The following DNA2 variants were observed in gnomAD, a reference collection of about 807,000 sequenced individuals.
DNA2 encodes the protein DNA replication ATP-dependent helicase/nuclease DNA2.
In DNA2, 101 loss-of-function variants were observed where a neutral mutation model predicts 119.1. That is an observed-to-expected ratio of 0.85 (90% confidence interval 0.72 to 1.00). The LOEUF is 1.00. Ranked by LOEUF, DNA2 falls within the 50% of genes least tolerant of loss-of-function variation. The pLI is 0.00. For missense variants in DNA2, 1,121 were observed against 1,255.5 expected (o/e 0.89, Z 1.62); for synonymous variants, 366 against 424.4 (o/e 0.86, Z 1.69).
chr10:68,432,084 AT>A, intron 12 of DNA2, 113 bp from the exon 13 acceptor site: 2 of 1,123,186 alleles, frequency 1.8e-6, no homozygotes, highest in Non-Finnish European at 2.6e-6. Flanking sequence ...ATACAAAACC[AT>A]TTCCAAAGAG....
intron 2 of DNA2, 27 bp downstream of exon 2, chr10:68,469,954 C>A (rs368924365): frequency 1.0e-5 from 16 of 1,576,812 alleles, no homozygotes; most frequent in Non-Finnish European, 1.3e-5. Flanking sequence ...AGATTCAAAT[C>A]GGTGCTCAAA....
At chr10:68,442,202 G>A (rs538989545) in intron 9 of DNA2, among the ~76,000 whole-genome samples, 2 of 151,102 alleles carry the variant, frequency 1.3e-5, no homozygotes, top group South Asian at 2.1e-4. Flanking sequence ...GGCATGACCC[G>A]ACGCCCTGAC....
chr10:68,432,115 G>T, intron 12 of DNA2, 91 bp downstream of exon 12: 2 of 1,131,546 alleles, frequency 1.8e-6, no homozygotes, highest in Non-Finnish European at 2.6e-6. Context: ...AAACATTGTA[G>T]TTGCAAGTCT....
At chr10:68,421,826 C>G (rs191745430) in intron 17 of DNA2, among the ~76,000 whole-genome samples, 1 of 99,784 alleles carries the variant, frequency 1.0e-5, no homozygotes, top group Non-Finnish European at 2.0e-5. Flanking sequence ...CTTTTTTTTT[C>G]CCCCCAAGAT....
rs1535539 is a variant in DNA2 at position 68,471,944 on chromosome 10, A to G, written c.-80T>C. ...ACACAGAAAGCTTAGAAAAGGGAAA[A>G]AGGCGCGAGCCTGCGCACCTCGCGC... is the stretch of plus-strand genomic sequence containing the variant. On this transcript the variant is annotated 5_prime_UTR_variant, in exon 1 of 21. Coordinates refer to ENST00000358410, the MANE Select transcript of DNA2 (RefSeq NM_001080449.3). 257,326 of 1,612,810 alleles carry G rather than the reference A, an allele frequency of 0.16. 24,064 individuals carry two copies. Among genetic ancestry groups the G allele is most frequent in the African/African-American group, 0.36 (27,360 of 74,980 alleles).
chr10:68,449,561 G>A (rs1590066623), intron 6 of DNA2, among the ~76,000 whole-genome samples: 2 of 152,078 alleles, frequency 1.3e-5, no homozygotes, highest in Middle Eastern at 3.2e-3. Flanking sequence ...AGTATCAGGT[G>A]AGGTCGCGAG....
At chr10:68,429,727 A>AAAG (rs2051793269) in intron 14 of DNA2, among the ~76,000 whole-genome samples, 1 of 147,950 alleles carries the variant, frequency 6.8e-6, no homozygotes, top group African/African-American at 2.5e-5. Flanking sequence ...AAAAAAAAAA[A>AAAG]AAAAGAAAAA....
intron 10 of DNA2, among the ~76,000 whole-genome samples, chr10:68,432,785 C>G (rs1277379534): frequency 6.6e-6 from 1 of 152,156 alleles, no homozygotes; most frequent in African/African-American, 2.4e-5. Context: ...TGCAGTCGAA[C>G]ACGGGTTCAC....
rs559680392 is a variant in DNA2, at chr10:68,420,931, T to TA, written c.2698-1040dup. ...TTTTGCTATGAACCTAAAACTGCTC[T>TA]AAAAAATAAAGCTTTTTTTTTTTTT... is the stretch of plus-strand genomic sequence containing the variant. On this transcript the variant is annotated intron_variant, in intron 17 of 20. Coordinates refer to ENST00000358410, the MANE Select transcript of DNA2 (RefSeq NM_001080449.3). Among the ~76,000 whole-genome samples, 38 of 152,218 alleles carry TA rather than the reference T, an allele frequency of 2.5e-4. 1 individual carries two copies. The South Asian group carries it at 7.7e-3, about 31-fold the overall frequency.
In DNA2 at chr10:68,457,727, G is replaced by A. The variant is rs149399965; in HGVS notation, c.719+1377C>T. 5.6e-3 allele frequency among the ~76,000 whole-genome samples: 799 copies of A among 142,352 alleles called. 11 individuals are homozygous for A. Among genetic ancestry groups the A allele is most frequent in the African/African-American group, 0.019 (747 of 38,932 alleles). 93.4% of individuals were successfully genotyped at this position (142,352 alleles called of 152,430 possible). On this transcript the variant is annotated intron_variant, in intron 5 of 20. Transcript: ENST00000358410. The stretch of plus-strand genomic sequence containing the variant: ...ATTTCCCCTATAAAATTATAACAAT[G>A]CCACTTTGAGAAAAAAAAAAAAAAA...
chr10:68,418,033 G>A (rs796989542), intron 19 of DNA2, among the ~76,000 whole-genome samples: 4 of 152,306 alleles, frequency 2.6e-5, no homozygotes, highest in South Asian at 2.1e-4. Flanking sequence ...TGAATACAGA[G>A]TTTTAGATTT....
chr10:68,432,621 A>G, intron 10 of DNA2, 111 bp from the exon 11 acceptor site: 1 of 698,568 alleles, frequency 1.4e-6, no homozygotes, highest in South Asian at 1.7e-5. Context: ...CTATTAAAAT[A>G]GCTACCAGCC....
rs755073004 is a variant in DNA2, at chr10:68,431,875, G to A, written c.1970C>T (p.Thr657Met). The A allele has an allele frequency of 7.5e-6, 12 of 1,609,342 alleles. No individual in the cohort carries two copies. The highest frequency in any genetic ancestry group is 3.3e-5 in the Admixed American group (2 of 59,770). ...TAATAACCTTACGAGAGTACATATC[G>A]TAGTTGTTTTTCCTGTCCCAGGCAT... Reference protein sequence around the residue: ...VGMPGTGKTTTICTLVRILYA... With the variant: ...VGMPGTGKTTMICTLVRILYA... Residue 657 changes from threonine (T) to methionine (M), a missense_variant, in exon 13 of 21, where the codon ACG becomes ATG. By Grantham distance (81) the Thr-to-Met change is moderately conservative (BLOSUM62 -1). Transcript: ENST00000358410.
Position 68,432,242 on chromosome 10 carries a change from G to C in DNA2, c.1837C>G (p.His613Asp), listed in dbSNP as rs1330421995. Residue 613 changes from histidine to aspartate, a missense_variant, in exon 12 of 21, where the codon CAT becomes GAT. Coordinates refer to ENST00000358410, the MANE Select transcript of DNA2 (RefSeq NM_001080449.3). ...FISYLSSVLP[H>D]DAKDTVACIL... ...CAGGCAACTGTATCCTTTGCATCAT[G>C]TGGAAGAACAGAACTAAGGTAGGAT... 1 of 1,606,768 alleles carries C rather than the reference G, an allele frequency of 6.2e-7. No individual in the cohort carries two copies. The highest frequency in any genetic ancestry group is 1.3e-5 in the African/African-American group (1 of 74,674).
In DNA2 at chr10:68,432,445, A is replaced by G. The variant is rs1221496651; in HGVS notation, c.1712T>C (p.Ile571Thr). The G allele has an allele frequency of 3.1e-6, 5 of 1,596,406 alleles. No homozygotes were observed. In the South Asian group the frequency reaches 4.5e-5, roughly 14 times the overall value. ...RLDQEEKNCD[I>T]DTPLGNLSKL... ...GGAAAGATTTCCTAATGGGGTATCT[A>G]TATCACAATTTTTTTCTTCTTGGTC... Residue 571 changes from isoleucine (I) to threonine (T), a missense_variant, in exon 11 of 21, where the codon ATA becomes ACA. Coordinates refer to ENST00000358410, the MANE Select transcript of DNA2 (RefSeq NM_001080449.3).
intron 7 of DNA2, 38 bp downstream of exon 7, chr10:68,446,258 T>C: frequency 9.2e-7 from 1 of 1,087,020 alleles, no homozygotes; most frequent in African/African-American, 1.7e-5. Context: ...AGTGGGGGGG[T>C]GGGCAAAGAA....
intron 5 of DNA2, among the ~76,000 whole-genome samples, chr10:68,457,621 T>C (rs953282468): frequency 2.0e-5 from 3 of 151,816 alleles, no homozygotes; most frequent in Non-Finnish European, 2.9e-5. Context: ...TTTGCTACCA[T>C]GATCCAAGCA....
At chr10:68,447,981 CA>C (rs11383213) in intron 6 of DNA2, among the ~76,000 whole-genome samples, 8 of 140,902 alleles carry the variant, frequency 5.7e-5, no homozygotes, top group Non-Finnish European at 7.7e-5. Flanking sequence ...GACTCCGTCT[CA>C]AAAAAAAAAA....
At chr10:68,422,932 G>T (rs2133363075) in intron 14 of DNA2, 42 bp from the exon 15 acceptor site, 3 of 1,386,682 alleles carry the variant, frequency 2.2e-6, no homozygotes, top group South Asian at 3.1e-5. Flanking sequence ...ACATGTAAAA[G>T]AAATGTAGTT....
Sources: gnomAD v4.1 joint callset for allele counts (sites outside exome capture counted in the v4.1 genomes callset) on GRCh38, gnomAD v4.1.1 for gene constraint, MANE v1.5 for transcripts, NCBI Gene and HGNC (gene_info 2026-07-23, HGNC 2026-07-21) for gene names.